GRIA3: variants seen among roughly 807,000 people sequenced by gnomAD.
GRIA3 encodes glutamate ionotropic receptor AMPA type subunit 3.
Under a neutral mutation model 63.0 loss-of-function variants are expected in GRIA3, and 3 were observed. That is an observed-to-expected ratio of 0.05 (90% CI 0.02 to 0.12). The LOEUF (loss-of-function observed/expected upper bound fraction) is 0.12. Among genes scored for constraint, GRIA3 ranks in the 10% least tolerant of loss-of-function variants. The pLI, the probability that GRIA3 is intolerant of heterozygous loss-of-function variation, is 1.00. For synonymous variants in GRIA3, 274 were observed against 257.9 expected (o/e 1.06, Z -0.60); for missense variants, 347 against 700.9 (o/e 0.50, Z 5.70).
chrX:123,227,142 A>G (rs1182391920), intron 2 of GRIA3, among the ~76,000 whole-genome samples: 1 of 111,651 alleles, frequency 9.0e-6, no homozygotes, highest in African/African-American at 3.3e-5. Flanking sequence ...AAATGATTTA[A>G]TACTGCATTT....
At chrX:123,231,264 A>G (rs2044274669) in intron 2 of GRIA3, among the ~76,000 whole-genome samples, 1 of 111,871 alleles carries the variant, frequency 8.9e-6, no homozygotes, top group African/African-American at 3.2e-5. Context: ...ATCATAAAAC[A>G]TTCAAGCCAG....
At chrX:123,440,189 T>G (rs1204584200) in intron 12 of GRIA3, among the ~76,000 whole-genome samples, 1 of 112,510 alleles carries the variant, frequency 8.9e-6, no homozygotes, top group Non-Finnish European at 1.9e-5. Flanking sequence ...CTTTATCCAA[T>G]TGGTCATTGA....
intron 4 of GRIA3, among the ~76,000 whole-genome samples, chrX:123,326,878 T>C (rs780994430): frequency 2.2e-3 from 244 of 111,397 alleles, no homozygotes; most frequent in Non-Finnish European, 3.9e-3. Context: ...GGGCAACAAG[T>C]TATCACTGTC....
intron 2 of GRIA3, among the ~76,000 whole-genome samples, chrX:123,241,882 G>T (rs1366960599): frequency 8.9e-6 from 1 of 111,802 alleles, no homozygotes; most frequent in Non-Finnish European, 1.9e-5. Flanking sequence ...CAAGGAGGTA[G>T]ATTTGCAGTC....
intron 3 of GRIA3, among the ~76,000 whole-genome samples, chrX:123,284,200 T>A (rs2044603896): frequency 8.9e-6 from 1 of 111,886 alleles, no homozygotes; most frequent in Admixed American, 9.4e-5. Context: ...AGGAATAGCA[T>A]CAACATCAAC....
chrX:123,233,432 G>A (rs2044285936), intron 2 of GRIA3, among the ~76,000 whole-genome samples: 1 of 111,496 alleles, frequency 9.0e-6, no homozygotes, highest in African/African-American at 3.3e-5. Flanking sequence ...CTGAACCTCA[G>A]TTTCCTTATC....
Position 123,398,736 on chromosome X carries a change from G to A in GRIA3, c.1013G>A (p.Gly338Glu). 3.3e-6 allele frequency: 4 copies of A among 1,209,759 alleles called. No homozygotes were observed. The highest frequency in any genetic ancestry group is 4.5e-6 in the Non-Finnish European group (4 of 893,826). ...GATGTGTCCCGGAGAGGAAGTGCTG[G>A]AGACTGCTTAGCAAATCCTGCTGTG... ...RVDVSRRGSA[G>E]DCLANPAVPW... The change falls in exon 7 of 16, where the codon GGA (glycine) becomes GAA (glutamate). Residue 338 changes from glycine to glutamate, a missense_variant. Coordinates refer to ENST00000620443, the MANE Select transcript of GRIA3 (RefSeq NM_007325.5).
intron 5 of GRIA3, among the ~76,000 whole-genome samples, chrX:123,369,455 T>A (rs1394295698): frequency 8.9e-6 from 1 of 112,048 alleles, no homozygotes; most frequent in Non-Finnish European, 1.9e-5. Flanking sequence ...AGATCCTCAA[T>A]TCCTGTCGAA....
intron 10 of GRIA3, among the ~76,000 whole-genome samples, chrX:123,414,102 AT>A (rs1237433964): frequency 8.9e-6 from 1 of 112,030 alleles, no homozygotes; most frequent in African/African-American, 3.2e-5. Flanking sequence ...TCTCAGGGGT[AT>A]AAGGAGAAAG....
At chrX:123,436,406 A>T (rs2045644463) in intron 12 of GRIA3, among the ~76,000 whole-genome samples, 1 of 111,498 alleles carries the variant, frequency 9.0e-6, no homozygotes, top group South Asian at 3.8e-4. Context: ...TTCTACCCTT[A>T]AATATAAAAT....
At chrX:123,459,328 A>T (rs1413141983) in intron 12 of GRIA3, among the ~76,000 whole-genome samples, 4 of 112,051 alleles carry the variant, frequency 3.6e-5, no homozygotes, top group Non-Finnish European at 7.5e-5. Flanking sequence ...ACTAGGAGTG[A>T]ACAACACCGT....
intron 2 of GRIA3, among the ~76,000 whole-genome samples, chrX:123,187,775 T>A (rs1405661940): frequency 8.9e-6 from 1 of 111,811 alleles, no homozygotes; most frequent in Non-Finnish European, 1.9e-5. Context: ...TCAAACCAGA[T>A]TGACACCCAC....
chrX:123,380,863 C>G (rs113197496), intron 5 of GRIA3, among the ~76,000 whole-genome samples: 2 of 111,358 alleles, frequency 1.8e-5, no homozygotes, highest in African/African-American at 6.6e-5. Context: ...TTTCTACATA[C>G]GGCTGGCCAG....
intron 3 of GRIA3, among the ~76,000 whole-genome samples, chrX:123,310,724 C>G (rs985423709): frequency 8.9e-6 from 1 of 112,435 alleles, no homozygotes; most frequent in African/African-American, 3.2e-5. Context: ...AATTCTCAAC[C>G]AGGCATGGTG....
rs749340937 is a variant in GRIA3, at chrX:123,397,225, CA to C, written c.913-1410del. On this transcript the variant is annotated intron_variant, in intron 6 of 15. Coordinates refer to ENST00000620443, the MANE Select transcript of GRIA3 (RefSeq NM_007325.5). Reference sequence around the variant, plus strand: ...ATATTTGAATAGATGTTACAACTTACAGATTACTTTTGCTTAGTATTGGTCA... The same window carrying C: ...ATATTTGAATAGATGTTACAACTTACGATTACTTTTGCTTAGTATTGGTCA... Among the ~76,000 whole-genome samples the C allele has an allele frequency of 4.5e-5, 5 of 112,106 alleles. No homozygotes were observed. The East Asian group carries it at 1.4e-3, about 31-fold the overall frequency.
At chrX:123,388,359 C>T (rs761750124) in intron 5 of GRIA3, among the ~76,000 whole-genome samples, 107 of 111,357 alleles carry the variant, frequency 9.6e-4, no homozygotes, top group Non-Finnish European at 1.5e-3. Flanking sequence ...AATTATCCTG[C>T]CTCAGCCTCC....
At chrX:123,221,339 C>T (rs1928282735) in intron 2 of GRIA3, among the ~76,000 whole-genome samples, 1 of 111,900 alleles carries the variant, frequency 8.9e-6, no homozygotes, top group Non-Finnish European at 1.9e-5. Flanking sequence ...TAAACAACTC[C>T]TCACGTTAAA....
At chrX:123,273,502 CAG>C (rs2044536022) in intron 3 of GRIA3, among the ~76,000 whole-genome samples, 1 of 111,723 alleles carries the variant, frequency 9.0e-6, no homozygotes, top group Non-Finnish European at 1.9e-5. Flanking sequence ...TTGTAAGTTG[CAG>C]AGTTAAGACT....
chrX:123,481,070 A>G (rs191514340), intron 14 of GRIA3, among the ~76,000 whole-genome samples: 116 of 111,900 alleles, frequency 1.0e-3, no homozygotes, highest in African/African-American at 3.4e-3. Flanking sequence ...AGGGAATTCT[A>G]TAACTCTTGT....
Sources: gnomAD v4.1 joint callset for allele counts (sites outside exome capture counted in the v4.1 genomes callset) on GRCh38, gnomAD v4.1.1 for gene constraint, MANE v1.5 for transcripts, NCBI Gene and HGNC (gene_info 2026-07-23, HGNC 2026-07-21) for gene names.